MRPL4: variants seen among roughly 807,000 people sequenced by gnomAD.
MRPL4 encodes the protein mitochondrial ribosomal protein L4.
A neutral mutation model predicts 34.1 loss-of-function variants in MRPL4; 34 were observed. The observed-to-expected ratio is 1.00, with a 90% CI of 0.76 to 1.33. MRPL4 has a LOEUF of 1.33. Among genes scored for constraint, MRPL4 ranks in the 40% most tolerant of loss-of-function variants. MRPL4 has a pLI of 0.00. For missense variants in MRPL4, 402 were observed against 434.6 expected (o/e 0.92, Z 0.67); for synonymous variants, 196 against 188.3 (o/e 1.04, Z -0.33).
chr19:10,253,655 T>C (rs2039820865), intron 3 of MRPL4, among the ~76,000 whole-genome samples: 1 of 151,120 alleles, frequency 6.6e-6, no homozygotes, highest in Admixed American at 6.6e-5. Flanking sequence ...GCCGGACGTC[T>C]TAGTGCAAGC....
At position 10,252,734 on chromosome 19, in the gene MRPL4, C is replaced by G. The variant is rs375764995; in HGVS notation, c.275+33C>G. 7 of 1,585,160 alleles carry G rather than the reference C, an allele frequency of 4.4e-6. No homozygotes were observed. In the African/African-American group the frequency reaches 9.4e-5, roughly 21 times the overall value. On this transcript the variant is annotated intron_variant, in intron 3 of 8. Coordinates refer to ENST00000253099, the MANE Select transcript of MRPL4 (RefSeq NM_015956.3). Reference sequence around the variant, plus strand: ...AGGGCTGTAATGGTGAACTGAGTGGCAGAGGGATGAAGAGCGGGATTTCAG... The same window carrying G: ...AGGGCTGTAATGGTGAACTGAGTGGGAGAGGGATGAAGAGCGGGATTTCAG...
At chr19:10,252,729 A>T (rs953386249) in intron 3 of MRPL4, 28 bp downstream of exon 3, 4 of 1,588,640 alleles carry the variant, frequency 2.5e-6, no homozygotes, top group Non-Finnish European at 3.4e-6. Context: ...TGGTGAACTG[A>T]GTGGCAGAGG....
intron 4 of MRPL4, 25 bp downstream of exon 4, chr19:10,254,665 G>C: frequency 6.2e-7 from 1 of 1,613,592 alleles, no homozygotes; most frequent in South Asian, 1.1e-5. Flanking sequence ...GGAGCAAGGT[G>C]GTGGGAAGGA....
In MRPL4 at chr19:10,252,289, G is replaced by C; in HGVS notation, c.36G>C (p.Trp12Cys). 1 of 1,609,924 alleles carries C rather than the reference G, an allele frequency of 6.2e-7. No homozygotes were observed. Among genetic ancestry groups the C allele is most frequent in the Non-Finnish European group, 8.5e-7 (1 of 1,178,194 alleles). ...TCGTCCGGGCCGGGGCGCGGGCCTG[G>C]CTTCGGCCTACCGGCAGCCAGGTGA... ...LQFVRAGARA[W>C]LRPTGSQGLS... The change falls in exon 1 of 9, where the codon TGG (tryptophan) becomes TGC (cysteine). Residue 12 changes from tryptophan (W) to cysteine (C), a missense_variant. Transcript: ENST00000253099.
At position 10,259,766 on chromosome 19, in the gene MRPL4, CT is replaced by C; in HGVS notation, c.890del (p.Leu297HisfsTer22). 6.2e-7 allele frequency: 1 copy of C among 1,613,978 alleles called. No individual in the cohort carries two copies. Among genetic ancestry groups the C allele is most frequent in the Admixed American group, 1.7e-5 (1 of 60,014 alleles). ...GCCCTACAGCGACTTCCCCCGACCC[CT>C]ACCCCACGCTACCCAGGGCCCAGCG... ...SLPYSDFPRPLPHATQGPAAT... is the reference protein window; with the variant it reads ...SLPYSDFPRPXPHATQGPAAT... On this transcript the variant is annotated frameshift_variant, in exon 9 of 9. Coordinates refer to ENST00000253099, the MANE Select transcript of MRPL4 (RefSeq NM_015956.3). LOFTEE classifies it low-confidence loss of function (END_TRUNC).
At chr19:10,254,773 C>A in intron 4 of MRPL4, 133 bp downstream of exon 4, 2 of 793,902 alleles carry the variant, frequency 2.5e-6, no homozygotes, top group South Asian at 2.0e-5. Flanking sequence ...CTGAACTATT[C>A]ACCGATGGGT....
chr19:10,258,678 G>C lies in MRPL4; in HGVS notation c.732G>C (p.Pro244=), dbSNP rs767061478. Residue 244 remains proline, a synonymous_variant, in exon 8 of 9, where the codon CCG becomes CCC. Transcript: ENST00000253099. ...GGCTTAAGACCTTCAACTTGATCCC[G>C]GCTGTTGGTGAGCAAAGAGCCCAGG... is the stretch of plus-strand genomic sequence containing the variant. ...TSRLKTFNLI[P]AVGLNVHSML... 8 of 1,614,124 alleles carry C rather than the reference G, an allele frequency of 5.0e-6. No homozygotes were observed. The East Asian group carries it at 1.6e-4, about 31-fold the overall frequency.
At position 10,257,177 on chromosome 19, in the gene MRPL4, C is replaced by T. The variant is rs1453947048; in HGVS notation, c.445+352C>T. ...ATCGTGGAACCTGAACTCCGGACCTCGGCCTTTGTGTGGAACCTGAACTCC... is the reference window on the plus strand; with the variant it reads ...ATCGTGGAACCTGAACTCCGGACCTTGGCCTTTGTGTGGAACCTGAACTCC... On this transcript the variant is annotated intron_variant, in intron 5 of 8. Transcript: ENST00000253099. 3.3e-5 allele frequency among the ~76,000 whole-genome samples: 5 copies of T among 152,142 alleles called. 1 individual carries two copies. The highest frequency in any genetic ancestry group is 9.7e-5 in the African/African-American group (4 of 41,424).
chr19:10,259,631 A>T lies in MRPL4; in HGVS notation c.754A>T (p.Ser252Cys). Residue 252 changes from serine to cysteine, a missense_variant, in exon 9 of 9, where the codon AGC becomes TGC. Physicochemically the swap from Ser to Cys is moderately radical, Grantham distance 112. Transcript: ENST00000253099. The part of the protein sequence containing the change: ...LIPAVGLNVH[S>C]MLKHQTLVLT... Reference sequence around the variant, plus strand: ...CCCGCCCCCAGGCCTAAATGTGCACAGCATGCTCAAGCACCAGACGCTGGT... The same window carrying T: ...CCCGCCCCCAGGCCTAAATGTGCACTGCATGCTCAAGCACCAGACGCTGGT... 7.3e-7 allele frequency: 1 copy of T among 1,369,162 alleles called. No homozygotes were observed. The allele number at this position is 1,369,162 out of a possible 1,614,324, so 84.8% of individuals were successfully genotyped here.
At chr19:10,256,273 G>A (rs759044105) in intron 4 of MRPL4, among the ~76,000 whole-genome samples, 19 of 151,488 alleles carry the variant, frequency 1.3e-4, no homozygotes, top group Non-Finnish European at 1.8e-4. Context: ...GCGACAGAGC[G>A]AGACTCCATC....
rs1295865244 is a variant in MRPL4, at chr19:10,258,262, C to A, written c.486C>A (p.Tyr162Ter). 6.2e-7 allele frequency: 1 copy of A among 1,614,146 alleles called. No homozygotes were observed. Among genetic ancestry groups the A allele is most frequent in the Non-Finnish European group, 8.5e-7 (1 of 1,180,022 alleles). The change falls in exon 6 of 9, where the codon TAC (tyrosine) becomes TAA (stop). Residue 162 changes from tyrosine (Y) to a stop codon, truncating the protein, a stop_gained. Coordinates refer to ENST00000253099, the MANE Select transcript of MRPL4 (RefSeq NM_015956.3). LOFTEE classifies it high-confidence loss of function. ...AHGPRGPTSY[Y>*]YMLPMKVRAL... ...GCCCCCGGGGCCCCACAAGTTACTA[C>A]TACATGCTGCCCATGAAGGTGCGGG...
chr19:10,252,693 C>G lies in MRPL4; in HGVS notation c.267C>G (p.Thr89=). The G allele has an allele frequency of 6.2e-7, 1 of 1,602,498 alleles. No homozygotes were observed. The highest frequency in any genetic ancestry group is 1.1e-5 in the South Asian group (1 of 91,008). Residue 89 remains threonine, a synonymous_variant, in exon 3 of 9, where the codon ACC becomes ACG. Transcript: ENST00000253099. ...LADLHPDVFA[T]APRLDILHQV... Reference sequence around the variant, plus strand: ...ACCTGCACCCCGATGTTTTCGCCACCGCGCCCAGGTGAGCGAGGGCTGTAA... The same window carrying G: ...ACCTGCACCCCGATGTTTTCGCCACGGCGCCCAGGTGAGCGAGGGCTGTAA...
chr19:10,256,091 G>C (rs922276831), intron 4 of MRPL4, among the ~76,000 whole-genome samples: 1 of 152,134 alleles, frequency 6.6e-6, no homozygotes, highest in African/African-American at 2.4e-5. Flanking sequence ...ATCGAGACCA[G>C]CCTGACCAAT....
rs762364446 is a variant in MRPL4 at position 10,258,510 on chromosome 19, T to A, written c.650T>A (p.Leu217His). Reference protein sequence around the residue: ...AHYRRWGDSVLLVDLTHEEMP... With the variant: ...AHYRRWGDSVHLVDLTHEEMP... ...TACCGCCGCTGGGGGGACTCCGTAC[T>A]CCTCGTGGACTTGTGAGGGCACAGG... The change falls in exon 7 of 9, where the codon CTC becomes CAC. Residue 217 changes from leucine (L) to histidine (H), a missense_variant. By Grantham distance (99) the Leu-to-His change is moderately conservative. Coordinates refer to ENST00000253099, the MANE Select transcript of MRPL4 (RefSeq NM_015956.3). 1 of 1,613,882 alleles carries A rather than the reference T, an allele frequency of 6.2e-7. No individual in the cohort carries two copies.
chr19:10,259,024 A>G (rs1300747956), intron 8 of MRPL4: 2 of 1,374,058 alleles, frequency 1.5e-6, no homozygotes, highest in Admixed American at 3.4e-5. Flanking sequence ...GCTTGAGCTC[A>G]GGGGGCCAAG....
intron 3 of MRPL4, 58 bp from the exon 4 acceptor site, chr19:10,254,527 TATAG>T: frequency 6.3e-7 from 1 of 1,593,086 alleles, no homozygotes; most frequent in East Asian, 2.2e-5. Context: ...TGGGTTTTCC[TATAG>T]TGGGGTGGGA....
intron 8 of MRPL4, chr19:10,259,250 G>A (rs889099589): frequency 8.2e-6 from 11 of 1,334,504 alleles, no homozygotes; most frequent in African/African-American, 4.6e-5. Flanking sequence ...ACCTCTCTCA[G>A]GATGAAAGCC....
intron 8 of MRPL4, chr19:10,259,159 G>A: frequency 2.1e-6 from 2 of 971,962 alleles, no homozygotes; most frequent in Non-Finnish European, 2.5e-6. Context: ...GCCACAGTCT[G>A]TTCCTTCCAC....
chr19:10,252,190 T>C, upstream of MRPL4: 5 of 1,492,892 alleles, frequency 3.3e-6, no homozygotes, highest in Non-Finnish European at 4.5e-6. Flanking sequence ...CGTGACGTCA[T>C]CCAGCGGCGC....
Sources: gnomAD v4.1 joint callset for allele counts (sites outside exome capture counted in the v4.1 genomes callset) on GRCh38, gnomAD v4.1.1 for gene constraint, MANE v1.5 for transcripts, NCBI Gene and HGNC (gene_info 2026-07-23, HGNC 2026-07-21) for gene names.